FGD5: variants seen among roughly 807,000 people sequenced by gnomAD.
FGD5 encodes the protein FYVE, RhoGEF and PH domain containing 5.
FGD5 carries 28 observed loss-of-function variants against 133.4 expected under a neutral mutation model. The observed-to-expected ratio is 0.21, with a 90% CI of 0.16 to 0.29. The LOEUF is 0.29. Ranked by LOEUF, FGD5 falls within the 10% of genes least tolerant of loss-of-function variation. The probability of loss-of-function intolerance (pLI) is 1.00; values close to 1 mark genes in which losing one functional copy is unlikely to be tolerated. For synonymous variants in FGD5, 810 were observed against 776.5 expected, an observed-to-expected ratio of 1.04 and a Z score of -0.72; for missense variants, 1,858 against 1,895.2, an observed-to-expected ratio of 0.98 and a Z score of 0.36.
intron 10 of FGD5, among the ~76,000 whole-genome samples, chr3:14,908,949 T>TATTC (rs559413423): frequency 0.049 from 6,895 of 141,072 alleles, 272 homozygotes; most frequent in South Asian, 0.17. Context: ...TTTATTTATT[T>TATTC]ATTCATTCAT....
chr3:14,864,391 G>T (rs879863659), intron 2 of FGD5, 131 bp downstream of exon 2: 1 of 1,401,906 alleles, frequency 7.1e-7, no homozygotes, highest in East Asian at 2.3e-5. Flanking sequence ...GGATGCAGGG[G>T]CTGAGACACG....
In FGD5 at chr3:14,819,048, G is replaced by T; in HGVS notation, c.-24G>T. 6.6e-7 allele frequency: 1 copy of T among 1,524,142 alleles called. No homozygotes were observed. Among genetic ancestry groups the T allele is most frequent in the South Asian group, 1.2e-5 (1 of 80,540 alleles). 94.4% of individuals were successfully genotyped at this position (1,524,142 alleles called of 1,614,324 possible). On this transcript the variant is annotated 5_prime_UTR_variant, in exon 1 of 20. Transcript: ENST00000285046. The surrounding 1 kb of genome is among the most constrained non-coding windows in gnomAD (Gnocchi z 4.1). The stretch of plus-strand genomic sequence containing the variant: ...CAAATTCCCTTCCTCAGCCAGGCCC[G>T]AGAGTCTTCACAGTCCAAACTCCAT...
chr3:14,858,831 G>T (rs1003656243), intron 1 of FGD5, among the ~76,000 whole-genome samples: 1 of 152,236 alleles, frequency 6.6e-6, no homozygotes, highest in Admixed American at 6.5e-5. Context: ...GTCTGTCACA[G>T]CATTTGGGAA....
rs2038099392 is a variant in FGD5 at position 14,894,693 on chromosome 3, TAGATACG to T, written c.2749-2811_2749-2805del. On this transcript the variant is annotated intron_variant, in intron 4 of 19. Coordinates refer to ENST00000285046, the MANE Select transcript of FGD5 (RefSeq NM_152536.4). ...CAGCTAATTTTTTTTTTTTTTTTTT[TAGATACG>T]AGATCTTGCTATGTTGCCCAGACTG... is the stretch of plus-strand genomic sequence containing the variant. Among the ~76,000 whole-genome samples the T allele has an allele frequency of 2.3e-5, 3 of 132,208 alleles. No homozygotes were observed. In the South Asian group the frequency reaches 7.1e-4, roughly 32 times the overall value. The allele number at this position is 132,208 out of a possible 152,430, so 86.7% of individuals were successfully genotyped here.
intron 1 of FGD5, among the ~76,000 whole-genome samples, chr3:14,842,198 C>A (rs2036937411): frequency 6.6e-6 from 1 of 152,248 alleles, no homozygotes; most frequent in African/African-American, 2.4e-5. Flanking sequence ...GACCTCAGGA[C>A]CACAGCCACG....
At chr3:14,890,522 A>G (rs1029771673) in intron 4 of FGD5, among the ~76,000 whole-genome samples, 2 of 152,132 alleles carry the variant, frequency 1.3e-5, no homozygotes, top group African/African-American at 4.8e-5. Context: ...CAGGACCCCC[A>G]GGTATGATGA....
At chr3:14,912,886 A>G (rs567903600) in intron 11 of FGD5, among the ~76,000 whole-genome samples, 2 of 152,234 alleles carry the variant, frequency 1.3e-5, no homozygotes, top group South Asian at 2.1e-4. Flanking sequence ...AATACAAAAA[A>G]TGAGCCAGGC....
rs746673680 is a variant in FGD5, at chr3:14,820,609, G to T, written c.1538G>T (p.Gly513Val). 1 of 1,607,660 alleles carries T rather than the reference G, an allele frequency of 6.2e-7. No individual in the cohort carries two copies. Among genetic ancestry groups the T allele is most frequent in the Non-Finnish European group, 8.5e-7 (1 of 1,176,872 alleles). Residue 513 changes from glycine to valine, a missense_variant, in exon 1 of 20, where the codon GGA becomes GTA. Physicochemically the swap from Gly to Val is moderately radical, Grantham distance 109. Around this residue, in one of 3 missense-constraint regions of FGD5, gnomAD observed 1,824 missense variants for 1,848.9 expected, o/e 0.99. Transcript: ENST00000285046. ...PEAGSSAPGI[G>V]GAAEEVGKTL... ...GCGGGCTCGTCAGCCCCTGGCATTGGAGGTGCCGCAGAGGAGGTGGGAAAG... is the reference window on the plus strand; with the variant it reads ...GCGGGCTCGTCAGCCCCTGGCATTGTAGGTGCCGCAGAGGAGGTGGGAAAG...
At chr3:14,927,248 T>C (rs78621178) in intron 18 of FGD5, among the ~76,000 whole-genome samples, 2,316 of 152,236 alleles carry the variant, frequency 0.015, 58 homozygotes, top group African/African-American at 0.052. Context: ...ACAGGTGGGG[T>C]CTTCCACACT....
At chr3:14,846,935 A>G (rs2037063423) in intron 1 of FGD5, among the ~76,000 whole-genome samples, 1 of 152,204 alleles carries the variant, frequency 6.6e-6, no homozygotes, top group South Asian at 2.1e-4. Flanking sequence ...TTAGAGCTGA[A>G]GGTAACAGGT....
At position 14,917,377 on chromosome 3, in the gene FGD5, A is replaced by AT. The variant is rs778753503; in HGVS notation, c.3489+45_3489+46insT. On this transcript the variant is annotated intron_variant, in intron 12 of 19. Coordinates refer to ENST00000285046, the MANE Select transcript of FGD5 (RefSeq NM_152536.4). The surrounding 1 kb of genome is among the most constrained non-coding windows in gnomAD (Gnocchi z 4.1). Reference sequence around the variant, plus strand: ...TACCCCCGGGTTGGGGGACAGGGAGACCCCAGGGGAGAAGGGGACAGCATC... The same window carrying AT: ...TACCCCCGGGTTGGGGGACAGGGAGATCCCCAGGGGAGAAGGGGACAGCATC... The AT allele has an allele frequency of 9.0e-6, 14 of 1,551,930 alleles. 1 individual carries two copies. In the South Asian group the frequency reaches 1.5e-4, roughly 17 times the overall value.
At chr3:14,856,205 G>A (rs918194379) in intron 1 of FGD5, among the ~76,000 whole-genome samples, 3 of 152,080 alleles carry the variant, frequency 2.0e-5, no homozygotes, top group Non-Finnish European at 2.9e-5. Flanking sequence ...TAATTTCTGG[G>A]TTCTCTATTT....
chr3:14,886,861 A>G, intron 4 of FGD5, among the ~76,000 whole-genome samples: 1 of 152,228 alleles, frequency 6.6e-6, no homozygotes. Flanking sequence ...TTTCTAATTT[A>G]TCCTTCTGCT....
chr3:14,885,342 T>G (rs1487083508), intron 4 of FGD5, among the ~76,000 whole-genome samples: 1 of 151,958 alleles, frequency 6.6e-6, no homozygotes, highest in Non-Finnish European at 1.5e-5. Context: ...CAGAGTAGGC[T>G]TGCAAGACTG....
intron 1 of FGD5, among the ~76,000 whole-genome samples, chr3:14,844,204 T>TTAAAAAAAA (rs1431479698): frequency 5.8e-5 from 1 of 17,242 alleles, no homozygotes; most frequent in Non-Finnish European, 1.0e-4. Flanking sequence ...TAATAGGCAT[T>TTAAAAAAAA]AAAAAAAAAA....
At chr3:14,861,056 G>A (rs961897255) in intron 1 of FGD5, among the ~76,000 whole-genome samples, 2 of 152,332 alleles carry the variant, frequency 1.3e-5, no homozygotes, top group South Asian at 2.1e-4. Context: ...CACTTAGGAT[G>A]ATGAGGCCAG....
rs941214272 is a variant in FGD5 at position 14,852,531 on chromosome 3, C to T, written c.2526-11597C>T. Among the ~76,000 whole-genome samples, 12 of 152,206 alleles carry T rather than the reference C, an allele frequency of 7.9e-5. No individual in the cohort carries two copies. In the East Asian group the frequency reaches 1.9e-3, roughly 24 times the overall value. On this transcript the variant is annotated intron_variant, in intron 1 of 19. Coordinates refer to ENST00000285046, the MANE Select transcript of FGD5 (RefSeq NM_152536.4). Reference sequence around the variant, plus strand: ...CAACTCTTTCAAATATACTAATATACTAAAAAGCACTGAATTGTATTTTAA... The same window carrying T: ...CAACTCTTTCAAATATACTAATATATTAAAAAGCACTGAATTGTATTTTAA...
intron 4 of FGD5, 54 bp from the exon 5 acceptor site, chr3:14,897,455 G>A: frequency 1.3e-6 from 2 of 1,561,054 alleles, no homozygotes; most frequent in Middle Eastern, 1.7e-4. Context: ...CTGCCAAGGA[G>A]GACTTGTGCT....
intron 1 of FGD5, among the ~76,000 whole-genome samples, chr3:14,852,165 A>G (rs1047379222): frequency 2.6e-5 from 4 of 152,260 alleles, no homozygotes; most frequent in Non-Finnish European, 4.4e-5. Context: ...CAGCAGCATT[A>G]TACATGATAG....
Sources: gnomAD v4.1 joint callset for allele counts (sites outside exome capture counted in the v4.1 genomes callset) on GRCh38, gnomAD v4.1.1 for gene constraint, gnomAD v4.1.1 regional missense constraint, Gnocchi (gnomAD v3.1) non-coding constraint, MANE v1.5 for transcripts, NCBI Gene and HGNC (gene_info 2026-07-23, HGNC 2026-07-21) for gene names.